PCDH7: variants seen among roughly 807,000 people sequenced by gnomAD.
PCDH7 encodes the protein protocadherin-7.
A neutral mutation model predicts 58.9 loss-of-function variants in PCDH7; 17 were observed. That is an observed-to-expected ratio of 0.29 (90% CI 0.20 to 0.43). The LOEUF (loss-of-function observed/expected upper bound fraction) is 0.43. Ranked by LOEUF, PCDH7 falls within the 20% of genes least tolerant of loss-of-function variation. The pLI is 1.00. For synonymous variants in PCDH7, 664 were observed against 616.4 expected (o/e 1.08, Z -1.14); for missense variants, 1,274 against 1,441.0 (o/e 0.88, Z 1.88).
At chr4:30,906,912 A>C (rs1741014954) in intron 1 of PCDH7, among the ~76,000 whole-genome samples, 1 of 152,016 alleles carries the variant, frequency 6.6e-6, no homozygotes, top group Admixed American at 6.6e-5. Flanking sequence ...AATCCCAGCT[A>C]CTTGGGAGGC....
intron 2 of PCDH7, among the ~76,000 whole-genome samples, chr4:30,938,460 A>G (rs1447943526): frequency 6.8e-6 from 1 of 147,934 alleles, no homozygotes; most frequent in African/African-American, 2.6e-5. Context: ...ATGAACTGGC[A>G]CTGCTCACTG....
At chr4:31,037,937 A>G (rs918448274) in intron 3 of PCDH7, among the ~76,000 whole-genome samples, 2 of 152,216 alleles carry the variant, frequency 1.3e-5, no homozygotes, top group Non-Finnish European at 2.9e-5. Flanking sequence ...CTGGCTGATG[A>G]TCAGAGTTCA....
At chr4:30,836,887 C>A (rs991254565) in intron 1 of PCDH7, among the ~76,000 whole-genome samples, 2 of 152,118 alleles carry the variant, frequency 1.3e-5, no homozygotes, top group African/African-American at 4.8e-5. Flanking sequence ...TTTCAACAGC[C>A]AAGCCGAGTG....
chr4:30,918,882 T>C (rs1405431863), intron 1 of PCDH7, among the ~76,000 whole-genome samples: 1 of 152,130 alleles, frequency 6.6e-6, no homozygotes, highest in East Asian at 1.9e-4. Context: ...GCAAAACTAA[T>C]TTATAAATTA....
chr4:31,103,990 C>G (rs553632624), intron 3 of PCDH7, among the ~76,000 whole-genome samples: 14 of 152,250 alleles, frequency 9.2e-5, no homozygotes, highest in African/African-American at 9.6e-5. Flanking sequence ...ATGCTGTTCC[C>G]TTGACTGTAA....
intron 1 of PCDH7, among the ~76,000 whole-genome samples, chr4:30,774,866 T>C (rs1185440174): frequency 6.6e-6 from 1 of 152,236 alleles, no homozygotes; most frequent in African/African-American, 2.4e-5. Context: ...GTAATTCATA[T>C]GCTTTTTACA....
chr4:31,046,441 C>T (rs983514035), intron 3 of PCDH7, among the ~76,000 whole-genome samples: 11 of 152,016 alleles, frequency 7.2e-5, no homozygotes, highest in African/African-American at 2.7e-4. Flanking sequence ...GCTAATCTCC[C>T]TAATATAATA....
intron 3 of PCDH7, among the ~76,000 whole-genome samples, chr4:31,004,289 GA>G (rs569960277): frequency 1.1e-3 from 162 of 152,182 alleles, no homozygotes; most frequent in African/African-American, 3.8e-3. Flanking sequence ...GCCCCGGCCT[GA>G]AAAAAAGTCA....
intron 3 of PCDH7, among the ~76,000 whole-genome samples, chr4:31,052,449 A>T (rs1756834578): frequency 6.6e-6 from 1 of 152,144 alleles, no homozygotes; most frequent in Non-Finnish European, 1.5e-5. Context: ...TTTTATTGAG[A>T]GGTGGTAGAT....
chr4:30,833,255 CA>C (rs1560416818), intron 1 of PCDH7, among the ~76,000 whole-genome samples: 1 of 152,114 alleles, frequency 6.6e-6, no homozygotes, highest in Admixed American at 6.6e-5. Flanking sequence ...AAATGGGTCT[CA>C]GTGGGCTAAA....
chr4:30,840,921 G>A (rs1731133969), intron 1 of PCDH7, among the ~76,000 whole-genome samples: 1 of 151,088 alleles, frequency 6.6e-6, no homozygotes, highest in South Asian at 2.1e-4. Flanking sequence ...CCAAGAGTTT[G>A]CTTTCTCATA....
intron 1 of PCDH7, among the ~76,000 whole-genome samples, chr4:30,774,458 T>C (rs1721810531): frequency 6.6e-6 from 1 of 152,118 alleles, no homozygotes; most frequent in Non-Finnish European, 1.5e-5. Context: ...CAGAAAAAAA[T>C]TCTTGAAGTC....
intron 1 of PCDH7, among the ~76,000 whole-genome samples, chr4:30,813,832 C>T (rs537600819): frequency 7.2e-5 from 11 of 152,050 alleles, no homozygotes; most frequent in African/African-American, 2.2e-4. Context: ...AGTAGAGATG[C>T]GGTTTGACCA....
chr4:30,960,054 T>A (rs2109458175), intron 3 of PCDH7, among the ~76,000 whole-genome samples: 1 of 147,312 alleles, frequency 6.8e-6, no homozygotes, highest in Non-Finnish European at 1.5e-5. Context: ...ATGCAGAAAT[T>A]ATATAGATAG....
At chr4:30,964,716 A>G (rs1471674967) in intron 3 of PCDH7, among the ~76,000 whole-genome samples, 1 of 151,826 alleles carries the variant, frequency 6.6e-6, no homozygotes, top group African/African-American at 2.4e-5. Context: ...AAGTACTGGC[A>G]CGTAATAGAT....
At chr4:31,025,309 A>G (rs1010570117) in intron 3 of PCDH7, among the ~76,000 whole-genome samples, 1 of 152,172 alleles carries the variant, frequency 6.6e-6, no homozygotes, top group African/African-American at 2.4e-5. Flanking sequence ...TTTAGCTACG[A>G]AAAGCTAAAT....
At chr4:31,083,801 A>G (rs981446928) in intron 3 of PCDH7, among the ~76,000 whole-genome samples, 1 of 152,202 alleles carries the variant, frequency 6.6e-6, no homozygotes, top group Non-Finnish European at 1.5e-5. Flanking sequence ...ACTACCCTCA[A>G]TGTATTAAGT....
At chr4:31,007,580 T>C (rs1752869735) in intron 3 of PCDH7, among the ~76,000 whole-genome samples, 1 of 150,016 alleles carries the variant, frequency 6.7e-6, no homozygotes, top group Non-Finnish European at 1.5e-5. Context: ...AAGATATGGT[T>C]TTATGGTTTT....
At chr4:30,999,476 G>A (rs1052055732) in intron 3 of PCDH7, among the ~76,000 whole-genome samples, 5 of 151,996 alleles carry the variant, frequency 3.3e-5, no homozygotes, top group African/African-American at 1.2e-4. Flanking sequence ...AATATGCAGG[G>A]GAAATAAAGA....
Sources: allele counts gnomAD v4.1 joint callset (sites outside exome capture counted in the v4.1 genomes callset), GRCh38; gene constraint gnomAD v4.1.1; transcripts MANE v1.5; gene names NCBI Gene and HGNC (gene_info 2026-07-23, HGNC 2026-07-21).